The following CCSER1 variants were observed in gnomAD, a reference collection of about 807,000 sequenced individuals.
The protein encoded by CCSER1 is serine-rich coiled-coil domain-containing protein 1.
A neutral mutation model predicts 82.0 loss-of-function variants in CCSER1; 41 were observed. That is an observed-to-expected ratio of 0.50 (90% CI 0.39 to 0.65). The LOEUF (loss-of-function observed/expected upper bound fraction) is 0.65, where lower values mean the gene tolerates loss of function less well. Among genes scored for constraint, CCSER1 ranks in the 30% least tolerant of loss-of-function variants. The pLI is 0.00. For missense variants in CCSER1, 1,119 were observed against 1,064.2 expected (o/e 1.05, Z -0.72); for synonymous variants, 414 against 383.9 (o/e 1.08, Z -0.92).
chr4:91,402,364 A>G (rs1051378865), intron 10 of CCSER1, among the ~76,000 whole-genome samples: 1 of 152,094 alleles, frequency 6.6e-6, no homozygotes, highest in African/African-American at 2.4e-5. Context: ...CTCTGATGGT[A>G]GTTTCTTTTG....
chr4:90,419,572 A>G (rs1210794622), intron 4 of CCSER1, among the ~76,000 whole-genome samples: 1 of 151,870 alleles, frequency 6.6e-6, no homozygotes, highest in African/African-American at 2.4e-5. Context: ...TACAGTTCTA[A>G]TATACTTGGT....
intron 1 of CCSER1, among the ~76,000 whole-genome samples, chr4:90,157,589 C>T: frequency 1.3e-5 from 2 of 152,060 alleles, no homozygotes; most frequent in Non-Finnish European, 2.9e-5. Context: ...ATTCTTTTTT[C>T]TCTAAATTTC....
chr4:90,519,522 G>A (rs1171363639), intron 5 of CCSER1, among the ~76,000 whole-genome samples: 3 of 151,826 alleles, frequency 2.0e-5, no homozygotes, highest in Non-Finnish European at 4.4e-5. Context: ...CCAAAGTATT[G>A]TCAGTTTATT....
intron 1 of CCSER1, among the ~76,000 whole-genome samples, chr4:90,276,606 A>G (rs1249059271): frequency 1.3e-5 from 2 of 152,012 alleles, no homozygotes; most frequent in African/African-American, 4.8e-5. Context: ...TTGCCCACCC[A>G]AAGTGCTGGG....
chr4:91,441,455 T>C (rs1755139280), intron 10 of CCSER1, among the ~76,000 whole-genome samples: 1 of 152,172 alleles, frequency 6.6e-6, no homozygotes, highest in Admixed American at 6.5e-5. Flanking sequence ...AAATTAGGTA[T>C]TGATGGGACA....
At chr4:90,724,862 T>C (rs1269409589) in intron 7 of CCSER1, among the ~76,000 whole-genome samples, 25 of 151,882 alleles carry the variant, frequency 1.6e-4, no homozygotes, top group Non-Finnish European at 1.5e-5. Context: ...TTCAATTTTA[T>C]ATTGCTTATA....
At chr4:90,239,601 A>C (rs1420394617) in intron 1 of CCSER1, among the ~76,000 whole-genome samples, 2 of 152,138 alleles carry the variant, frequency 1.3e-5, no homozygotes, top group African/African-American at 4.8e-5. Flanking sequence ...TCCTGGGCAC[A>C]AACAGTCCTC....
In CCSER1 at chr4:90,308,742, G is replaced by A. The variant is rs746788374; in HGVS notation, c.458G>A (p.Ser153Asn). The A allele has an allele frequency of 7.4e-6, 12 of 1,613,778 alleles. No individual in the cohort carries two copies. The Admixed American group carries it at 8.3e-5, about 11-fold the overall frequency. ...AAGAATGTCTTTATAAATTGTCTAA[G>A]TTCTGGCAAAAGTGAAGGGGATGAT... Reference protein sequence around the residue: ...TNKNVFINCLSSGKSEGDDSG... With the variant: ...TNKNVFINCLNSGKSEGDDSG... The change falls in exon 2 of 11, where the codon AGT becomes AAT. Residue 153 changes from serine (S) to asparagine (N), a missense_variant. By Grantham distance (46) the Ser-to-Asn change is conservative (BLOSUM62 1). Transcript: ENST00000509176.
rs144742969 is a variant in CCSER1 at position 90,236,892 on chromosome 4, C to T, written c.-41-71352C>T. The stretch of plus-strand genomic sequence containing the variant: ...TGTGTGTATGTGTGTATATTTAGCA[C>T]GCATTTTTCTTTTTATTTGATTAGG... On this transcript the variant is annotated intron_variant, in intron 1 of 10. Transcript: ENST00000509176. 2.0e-3 allele frequency among the ~76,000 whole-genome samples: 303 copies of T among 151,882 alleles called. 1 individual carries two copies. The highest frequency in any genetic ancestry group is 3.4e-3 in the Middle Eastern group (1 of 294).
intron 6 of CCSER1, among the ~76,000 whole-genome samples, chr4:90,667,869 C>T (rs1337707855): frequency 1.3e-5 from 2 of 152,108 alleles, no homozygotes; most frequent in Non-Finnish European, 2.9e-5. Flanking sequence ...CAATATTACA[C>T]TCTATGCAAG....
At chr4:90,964,406 C>A (rs1734334332) in intron 9 of CCSER1, among the ~76,000 whole-genome samples, 1 of 151,892 alleles carries the variant, frequency 6.6e-6, no homozygotes, top group Non-Finnish European at 1.5e-5. Context: ...ACAGTAAAGG[C>A]ATCTGAAAAT....
At chr4:90,448,444 AATATATATATATATATATATATATAT>A (rs70963067) in intron 4 of CCSER1, among the ~76,000 whole-genome samples, 14 of 44,074 alleles carry the variant, frequency 3.2e-4, no homozygotes, top group Admixed American at 2.3e-3. Flanking sequence ...AGGTGAATTG[AATATATATATATATATATATATATAT>A]ATATATATAT....
intron 7 of CCSER1, among the ~76,000 whole-genome samples, chr4:90,788,249 C>A (rs1754780910): frequency 6.6e-6 from 1 of 151,938 alleles, no homozygotes; most frequent in Non-Finnish European, 1.5e-5. Flanking sequence ...ATTGAAAAAT[C>A]AGATATCAAC....
intron 7 of CCSER1, among the ~76,000 whole-genome samples, chr4:90,785,281 ACC>A (rs1043817277): frequency 2.0e-5 from 3 of 151,682 alleles, no homozygotes; most frequent in African/African-American, 7.3e-5. Flanking sequence ...CAAGCAATCC[ACC>A]CTCCTTCGCC....
chr4:90,412,117 T>C (rs978146160), intron 4 of CCSER1, among the ~76,000 whole-genome samples: 1 of 151,892 alleles, frequency 6.6e-6, no homozygotes, highest in African/African-American at 2.4e-5. Flanking sequence ...ATATATACCA[T>C]GGAATACTAT....
chr4:91,246,167 A>G (rs990897227), intron 10 of CCSER1, among the ~76,000 whole-genome samples: 2 of 152,234 alleles, frequency 1.3e-5, no homozygotes, highest in African/African-American at 4.8e-5. Context: ...TTCAAGACAT[A>G]AACAGTACAA....
intron 9 of CCSER1, among the ~76,000 whole-genome samples, chr4:90,933,494 T>TC (rs201540675): frequency 0.013 from 1,879 of 149,064 alleles, 30 homozygotes; most frequent in Admixed American, 0.039. Flanking sequence ...GATGAAGTGT[T>TC]TTTTTTTTTT....
At chr4:91,042,473 A>T (rs144231339) in intron 9 of CCSER1, among the ~76,000 whole-genome samples, 1 of 152,170 alleles carries the variant, frequency 6.6e-6, no homozygotes, top group Non-Finnish European at 1.5e-5. Context: ...TGCTTTTACA[A>T]AGTATTTTTT....
At position 91,013,544 on chromosome 4, in the gene CCSER1, A is replaced by AT. The variant is rs1351882395; in HGVS notation, c.2173-72405dup. 2.1e-3 allele frequency among the ~76,000 whole-genome samples: 257 copies of AT among 124,706 alleles called. 12 individuals carry two copies. The highest frequency in any genetic ancestry group is 6.6e-3 in the African/African-American group (241 of 36,516). 81.8% of individuals were successfully genotyped at this position (124,706 alleles called of 152,430 possible). On this transcript the variant is annotated intron_variant, in intron 9 of 10. Coordinates refer to ENST00000509176, the MANE Select transcript of CCSER1 (RefSeq NM_001145065.2). The stretch of plus-strand genomic sequence containing the variant: ...GTTCTTTCTCAAGACATATATATAT[A>AT]TATATTTTTTTGCTAGTCTGTCTGT...
Sources: allele counts gnomAD v4.1 joint callset (sites outside exome capture counted in the v4.1 genomes callset), GRCh38; gene constraint gnomAD v4.1.1; transcripts MANE v1.5; gene names NCBI Gene and HGNC (gene_info 2026-07-23, HGNC 2026-07-21).